Variants in SRXN1 observed in about 807,000 individuals in gnomAD.
The protein encoded by SRXN1 is sulfiredoxin 1, also known as sulfiredoxin-1.
Under a neutral mutation model 11.0 loss-of-function variants are expected in SRXN1, and 11 were observed. The observed-to-expected ratio is 1.00, with a 90% CI of 0.63 to 1.65. SRXN1 has a LOEUF of 1.65. Among genes scored for constraint, SRXN1 ranks in the 40% most tolerant of loss-of-function variants. The pLI, the probability that SRXN1 is intolerant of heterozygous loss-of-function variation, is 0.00. For missense variants in SRXN1, 211 were observed against 194.5 expected (o/e 1.08, Z -0.50); for synonymous variants, 106 against 92.8 (o/e 1.14, Z -0.82).
At chr20:651,085 GC>G (rs1983658902) in intron 1 of SRXN1, among the ~76,000 whole-genome samples, 1 of 152,232 alleles carries the variant, frequency 6.6e-6, no homozygotes, top group Non-Finnish European at 1.5e-5. Context: ...GAAGGCCTTG[GC>G]CTGATGTTGC....
At position 647,502 on chromosome 20, in the gene SRXN1, A is replaced by G. The variant is rs1166693395; in HGVS notation, c.*1212T>C. On this transcript the variant is annotated 3_prime_UTR_variant, in exon 2 of 2. Coordinates refer to ENST00000381962, the MANE Select transcript of SRXN1 (RefSeq NM_080725.3). The stretch of plus-strand genomic sequence containing the variant: ...GTCCCAGTTCCAGGCCAAGAACTCA[A>G]GAAGTCTTTCAGCTTCTACTCTCAC... 1 of 159,300 alleles carries G rather than the reference A, an allele frequency of 6.3e-6. No homozygotes were observed. The highest frequency in any genetic ancestry group is 1.4e-5 in the Non-Finnish European group (1 of 72,160). The allele number at this position is 159,300 out of a possible 1,614,324, so 9.9% of individuals were successfully genotyped here. A position where few individuals can be genotyped will look rare whatever the true frequency, so the allele number is the denominator to read the frequency against.
rs574664057 is a variant in SRXN1 at position 652,984 on chromosome 20, T to C, written c.202A>G (p.Thr68Ala). The C allele has an allele frequency of 3.7e-5, 57 of 1,538,444 alleles. 1 individual carries two copies. The highest frequency in any genetic ancestry group is 2.9e-4 in the South Asian group (24 of 81,942). ...ACTCCCCGAGGCCTCACCCGGATCG[T>C]GTCCACGAGGCTCTGCACCTTGGCG... is the stretch of plus-strand genomic sequence containing the variant. ...DPAKVQSLVD[T>A]IREDPDSVPP... is the part of the protein sequence containing the mutation. The change falls in exon 1 of 2, where the codon ACG (threonine) becomes GCG (alanine). Residue 68 changes from threonine (T) to alanine (A), a missense_variant. Thr to Ala is a moderately conservative substitution (Grantham distance 58, BLOSUM62 0). Transcript: ENST00000381962.
At position 648,631 on chromosome 20, in the gene SRXN1, A is replaced by G. The variant is rs1258794768; in HGVS notation, c.*83T>C. On this transcript the variant is annotated 3_prime_UTR_variant, in exon 2 of 2. Transcript: ENST00000381962. ...GGTGCAAAGAGAATGCACCCCTGCT[A>G]TCCCTTCTGCATGGCCCAGCCTGCT... is the stretch of plus-strand genomic sequence containing the variant. 6.8e-7 allele frequency: 1 copy of G among 1,474,168 alleles called. No individual in the cohort carries two copies. The highest frequency in any genetic ancestry group is 9.4e-7 in the Non-Finnish European group (1 of 1,060,808). 91.3% of individuals were successfully genotyped at this position (1,474,168 alleles called of 1,614,324 possible).
rs1222577198 is a variant in SRXN1, at chr20:653,172, G to A, written c.14C>T (p.Ala5Val). Residue 5 changes from alanine (A) to valine (V), a missense_variant, in exon 1 of 2, where the codon GCA (alanine) becomes GTA (valine). Transcript: ENST00000381962. ...GCCGGCCCTGCCCAGCGTTCCTCCT[G>A]CACGCAGCCCCATCGTCGCCGCCGC... MGLR[A>V]GGTLGRAGAG... 62 of 1,262,706 alleles carry A rather than the reference G, an allele frequency of 4.9e-5. No individual in the cohort carries two copies. The East Asian group carries it at 1.9e-3, about 39-fold the overall frequency. The allele number at this position is 1,262,706 out of a possible 1,614,324, so 78.2% of individuals were successfully genotyped here.
Position 648,931 on chromosome 20 carries a change from GCA to G in SRXN1, c.211-16_211-15del. On this transcript the variant is annotated splice_polypyrimidine_tract_variant and intron_variant, in intron 1 of 1. Coordinates refer to ENST00000381962, the MANE Select transcript of SRXN1 (RefSeq NM_080725.3). ...GTCTGGGTCCTCCTGGGGAGAAGAGGCACAGAGTCAATGGACATGGTACAAGG... is the reference window on the plus strand; with the variant it reads ...GTCTGGGTCCTCCTGGGGAGAAGAGGCAGAGTCAATGGACATGGTACAAGG... The G allele has an allele frequency of 6.2e-7, 1 of 1,613,664 alleles. No individual in the cohort carries two copies. The highest frequency in any genetic ancestry group is 1.1e-5 in the South Asian group (1 of 91,048).
In SRXN1 at chr20:648,171, C is replaced by T. The variant is rs757664771; in HGVS notation, c.*543G>A. ...AACGCAGACATGATTCTTGGGGATA[C>T]AGCAGCCATCTTGGGACCATGAAGT... On this transcript the variant is annotated 3_prime_UTR_variant, in exon 2 of 2. Transcript: ENST00000381962. The T allele has an allele frequency of 4.4e-6, 2 of 456,320 alleles. No individual in the cohort carries two copies. The highest frequency in any genetic ancestry group is 1.4e-4 in the East Asian group (2 of 14,398). The allele number at this position is 456,320 out of a possible 1,614,324, so 28.3% of individuals were successfully genotyped here.
chr20:647,998 G>T lies in SRXN1; in HGVS notation c.*716C>A. ...CTTTGTTTGCAGCTAGAGGTGCAAT[G>T]GTAGCTGGCTCGGGCCAAGGGCATC... On this transcript the variant is annotated 3_prime_UTR_variant, in exon 2 of 2. Coordinates refer to ENST00000381962, the MANE Select transcript of SRXN1 (RefSeq NM_080725.3). 2.3e-6 allele frequency: 1 copy of T among 442,010 alleles called. No individual in the cohort carries two copies. Among genetic ancestry groups the T allele is most frequent in the Non-Finnish European group, 4.6e-6 (1 of 218,960 alleles). 27.4% of individuals were successfully genotyped at this position (442,010 alleles called of 1,614,324 possible).
chr20:648,520 G>A lies in SRXN1; in HGVS notation c.*194C>T, dbSNP rs1374981581. ...AGGCCATGATCCTATTGTCACAGAG[G>A]TGGGAACTGGGGCTCCCACACTGTA... On this transcript the variant is annotated 3_prime_UTR_variant, in exon 2 of 2. Coordinates refer to ENST00000381962, the MANE Select transcript of SRXN1 (RefSeq NM_080725.3). 4.5e-6 allele frequency: 3 copies of A among 663,944 alleles called. No individual in the cohort carries two copies. Among genetic ancestry groups the A allele is most frequent in the Non-Finnish European group, 8.0e-6 (3 of 373,400 alleles). 41.1% of individuals were successfully genotyped at this position (663,944 alleles called of 1,614,324 possible). A position where few individuals can be genotyped will look rare whatever the true frequency, so the allele number is the denominator to read the frequency against.
intron 1 of SRXN1, among the ~76,000 whole-genome samples, chr20:651,683 T>TAA (rs61107831): frequency 1.5e-4 from 18 of 118,254 alleles, no homozygotes; most frequent in South Asian, 8.1e-4. Flanking sequence ...GACAACGTCT[T>TAA]AAAAAAAAAA....
chr20:653,125 C>T lies in SRXN1; in HGVS notation c.61G>A (p.Gly21Arg). ...RAGAGRGAPE[G>R]PGPSGGAQGG... ...TGCGCGCCGCCGCTCGGCCCGGGCCCCTCGGGCGCCCCCCGACCCGCGCCG... is the reference window on the plus strand; with the variant it reads ...TGCGCGCCGCCGCTCGGCCCGGGCCTCTCGGGCGCCCCCCGACCCGCGCCG... Residue 21 changes from glycine to arginine, a missense_variant, in exon 1 of 2, where the codon GGG becomes AGG. By Grantham distance (125) the Gly-to-Arg change is moderately radical. Transcript: ENST00000381962. 1.5e-6 allele frequency: 2 copies of T among 1,329,834 alleles called. No individual in the cohort carries two copies. Among genetic ancestry groups the T allele is most frequent in the Non-Finnish European group, 1.9e-6 (2 of 1,045,360 alleles). The allele number at this position is 1,329,834 out of a possible 1,614,324, so 82.4% of individuals were successfully genotyped here.
Position 653,030 on chromosome 20 carries a change from C to T in SRXN1, c.156G>A (p.Pro52=). The T allele has an allele frequency of 3.2e-6, 5 of 1,570,814 alleles. No individual in the cohort carries two copies. Among genetic ancestry groups the T allele is most frequent in the Admixed American group, 1.8e-5 (1 of 56,152 alleles). Residue 52 remains proline, a synonymous_variant, in exon 1 of 2, where the codon CCG becomes CCA. Transcript: ENST00000381962. The stretch of plus-strand genomic sequence containing the variant: ...TGGCGGGGTCCAACACGGACGGCAG[C>T]GGCCGGATGAGCACGCTCAGCGGCA... ...HNVPLSVLIR[P]LPSVLDPAKV... is the part of the protein sequence containing the mutation.
Position 648,153 on chromosome 20 carries a change from A to C in SRXN1, c.*561T>G, listed in dbSNP as rs1343006809. ...TCCACCCCTCCTTCCTTGAACGCAGACATGATTCTTGGGGATACAGCAGCC... is the reference window on the plus strand; with the variant it reads ...TCCACCCCTCCTTCCTTGAACGCAGCCATGATTCTTGGGGATACAGCAGCC... On this transcript the variant is annotated 3_prime_UTR_variant, in exon 2 of 2. Coordinates refer to ENST00000381962, the MANE Select transcript of SRXN1 (RefSeq NM_080725.3). 4.4e-6 allele frequency: 2 copies of C among 456,276 alleles called. 1 individual carries two copies. Among genetic ancestry groups the C allele is most frequent in the South Asian group, 3.1e-5 (2 of 64,564 alleles). The allele number at this position is 456,276 out of a possible 1,614,324, so 28.3% of individuals were successfully genotyped here.
At chr20:650,514 T>A (rs1983645528) in intron 1 of SRXN1, among the ~76,000 whole-genome samples, 1 of 152,208 alleles carries the variant, frequency 6.6e-6, no homozygotes, top group African/African-American at 2.4e-5. Context: ...GGTAGAGCAC[T>A]CTGGGGAGAC....
chr20:653,145 G>A lies in SRXN1; in HGVS notation c.41C>T (p.Ala14Val), dbSNP rs974961157. Reference protein sequence around the residue: ...RAGGTLGRAGAGRGAPEGPGP... With the variant: ...RAGGTLGRAGVGRGAPEGPGP... ...GGGCCCCTCGGGCGCCCCCCGACCC[G>A]CGCCGGCCCTGCCCAGCGTTCCTCC... Residue 14 changes from alanine (A) to valine (V), a missense_variant, in exon 1 of 2, where the codon GCG becomes GTG. By Grantham distance (64) the Ala-to-Val change is moderately conservative. Coordinates refer to ENST00000381962, the MANE Select transcript of SRXN1 (RefSeq NM_080725.3). 1.0e-5 allele frequency: 13 copies of A among 1,276,692 alleles called. No individual in the cohort carries two copies. Among genetic ancestry groups the A allele is most frequent in the African/African-American group, 3.1e-5 (2 of 63,590 alleles). The allele number at this position is 1,276,692 out of a possible 1,614,324, so 79.1% of individuals were successfully genotyped here. A position where few individuals can be genotyped will look rare whatever the true frequency, so the allele number is the denominator to read the frequency against.
At chr20:651,384 G>A (rs1353682222) in intron 1 of SRXN1, among the ~76,000 whole-genome samples, 2 of 152,178 alleles carry the variant, frequency 1.3e-5, no homozygotes, top group Non-Finnish European at 2.9e-5. Flanking sequence ...GTTCTAGCAC[G>A]GAAGGCAGGT....
chr20:649,677 C>T (rs377612311), intron 1 of SRXN1, among the ~76,000 whole-genome samples: 19 of 146,946 alleles, frequency 1.3e-4, no homozygotes, highest in African/African-American at 4.6e-4. Flanking sequence ...ACTCCAGCCT[C>T]GGCGATGGAA....
At position 648,679 on chromosome 20, in the gene SRXN1, GC is replaced by G; in HGVS notation, c.*34del. On this transcript the variant is annotated 3_prime_UTR_variant, in exon 2 of 2. Transcript: ENST00000381962. ...GCTGGAGGCCAGGTGTGTCTTCTGG[GC>G]TCTTGAAGGTGGCAGCAGGTGCCAA... 6.2e-7 allele frequency: 1 copy of G among 1,610,788 alleles called. No homozygotes were observed. The highest frequency in any genetic ancestry group is 8.5e-7 in the Non-Finnish European group (1 of 1,177,218).
At position 653,070 on chromosome 20, in the gene SRXN1, G is replaced by A; in HGVS notation, c.116C>T (p.Ala39Val). Residue 39 changes from alanine to valine, a missense_variant, in exon 1 of 2, where the codon GCC becomes GTC. Ala to Val is a moderately conservative substitution (Grantham distance 64, BLOSUM62 0). Coordinates refer to ENST00000381962, the MANE Select transcript of SRXN1 (RefSeq NM_080725.3). ...GCTCAGCGGCACGTTGTGCACCGCG[G>A]CGATGCGGCCCGAGTGGATGCTGCC... ...QGGSIHSGRI[A>V]AVHNVPLSVL... 6.6e-7 allele frequency: 1 copy of A among 1,523,162 alleles called. No individual in the cohort carries two copies. 94.4% of individuals were successfully genotyped at this position (1,523,162 alleles called of 1,614,324 possible).
chr20:648,898 G>C lies in SRXN1; in HGVS notation c.230C>G (p.Pro77Arg), dbSNP rs751145063. 3 of 1,614,160 alleles carry C rather than the reference G, an allele frequency of 1.9e-6. No individual in the cohort carries two copies. In the East Asian group the frequency reaches 6.7e-5, roughly 36 times the overall value. ...TTTGATCCAGAGGACATCGATGGGGGGCACGCTGTCTGGGTCCTCCTGGGG... is the reference window on the plus strand; with the variant it reads ...TTTGATCCAGAGGACATCGATGGGGCGCACGCTGTCTGGGTCCTCCTGGGG... ...DTIREDPDSV[P>R]PIDVLWIKGA... is the part of the protein sequence containing the mutation. The change falls in exon 2 of 2, where the codon CCC becomes CGC. Residue 77 changes from proline (P) to arginine (R), a missense_variant. Physicochemically the swap from Pro to Arg is moderately radical, Grantham distance 103. Transcript: ENST00000381962.
Sources: allele counts gnomAD v4.1 joint callset (sites outside exome capture counted in the v4.1 genomes callset), GRCh38; gene constraint gnomAD v4.1.1; transcripts MANE v1.5; gene names NCBI Gene and HGNC (gene_info 2026-07-23, HGNC 2026-07-21).